The following CHST15 variants were observed in gnomAD, a reference collection of about 807,000 sequenced individuals.
The protein encoded by CHST15 is B cell RAG associated protein (GALNAC4S-6ST).
CHST15 carries 30 observed loss-of-function variants against 53.6 expected under a neutral mutation model. The ratio of observed to expected loss-of-function variants is 0.56; its 90% CI spans 0.42 to 0.76. The LOEUF (loss-of-function observed/expected upper bound fraction) is 0.76, where lower values mean the gene tolerates loss of function less well. Ranked by LOEUF, CHST15 falls within the 30% of genes least tolerant of loss-of-function variation. The pLI is 0.00. For missense variants in CHST15, 627 were observed against 740.5 expected (o/e 0.85, Z 1.78); for synonymous variants, 296 against 289.8 (o/e 1.02, Z -0.22).
intron 1 of CHST15, among the ~76,000 whole-genome samples, chr10:124,086,660 C>CCTCCTCCTCCTCCTG (rs1949437333): frequency 6.7e-6 from 1 of 149,008 alleles, no homozygotes; most frequent in Non-Finnish European, 1.5e-5. Context: ...CTGCCTTCCT[C>CCTCCTCCTCCTCCTG]CTCCTCCTCC....
intron 5 of CHST15, among the ~76,000 whole-genome samples, chr10:124,035,174 ACGGGGACC>A (rs773325403): frequency 3.3e-5 from 4 of 121,822 alleles, no homozygotes; most frequent in Admixed American, 1.6e-4. Flanking sequence ...CCGCCCCCTA[ACGGGGACC>A]CTGGTTCCAC....
intron 6 of CHST15, among the ~76,000 whole-genome samples, chr10:124,015,981 C>T (rs1473707266): frequency 2.0e-5 from 3 of 152,192 alleles, no homozygotes; most frequent in African/African-American, 7.2e-5. Context: ...GCCTGAGAAA[C>T]ACACCATGGC....
At chr10:124,030,852 G>A (rs991372475) in intron 5 of CHST15, among the ~76,000 whole-genome samples, 1 of 152,232 alleles carries the variant, frequency 6.6e-6, no homozygotes, top group Non-Finnish European at 1.5e-5. Context: ...GCTGCGGTTC[G>A]AAGGCATGAA....
intron 1 of CHST15, among the ~76,000 whole-genome samples, chr10:124,086,507 G>C (rs1025140773): frequency 6.6e-6 from 1 of 152,226 alleles, no homozygotes; most frequent in African/African-American, 2.4e-5. Context: ...CGCCCTGCTG[G>C]GAGAGGCTCC....
intron 1 of CHST15, among the ~76,000 whole-genome samples, chr10:124,086,458 C>A (rs1949427744): frequency 1.3e-5 from 2 of 152,216 alleles, no homozygotes; most frequent in African/African-American, 4.8e-5. Context: ...GTGGACATGA[C>A]AGCCCAGCCC....
intron 1 of CHST15, among the ~76,000 whole-genome samples, chr10:124,050,595 GC>G (rs1310989106): frequency 6.6e-6 from 1 of 152,146 alleles, no homozygotes; most frequent in Admixed American, 6.5e-5. Context: ...CATTGTCAGT[GC>G]CCCCTGGGGT....
intron 1 of CHST15, among the ~76,000 whole-genome samples, chr10:124,064,557 T>C (rs6588751): frequency 0.69 from 104,273 of 151,922 alleles, 36,081 homozygotes; most frequent in South Asian, 0.78. Flanking sequence ...ATACCCACTC[T>C]GTGACTTTGG....
chr10:124,062,573 A>T (rs1352400530), intron 1 of CHST15, among the ~76,000 whole-genome samples: 1 of 152,140 alleles, frequency 6.6e-6, no homozygotes, highest in Non-Finnish European at 1.5e-5. Context: ...AAATATGCCC[A>T]TAGTGCCTGC....
Position 124,009,810 on chromosome 10 carries a change from C to T in CHST15, c.*339G>A, listed in dbSNP as rs1179323837. The T allele has an allele frequency of 6.5e-6, 7 of 1,082,644 alleles. No homozygotes were observed. The highest frequency in any genetic ancestry group is 7.9e-6 in the Non-Finnish European group (7 of 889,948). 67.1% of individuals were successfully genotyped at this position (1,082,644 alleles called of 1,614,324 possible). A position where few individuals can be genotyped will look rare whatever the true frequency, so the allele number is the denominator to read the frequency against. ...CCAGAGGCTCTCCAGAAGGCGGAGG[C>T]GGGCAGGGCCAGGCTGCCTTCCCTA... is the stretch of plus-strand genomic sequence containing the variant. On this transcript the variant is annotated 3_prime_UTR_variant, in exon 8 of 8. Transcript: ENST00000435907.
At chr10:124,067,571 G>A (rs1198540755) in intron 1 of CHST15, among the ~76,000 whole-genome samples, 1 of 152,236 alleles carries the variant, frequency 6.6e-6, no homozygotes, top group Non-Finnish European at 1.5e-5. Flanking sequence ...GTGGAAGTCT[G>A]CGCCCTCAAC....
chr10:124,053,616 G>A (rs556933791), intron 1 of CHST15, among the ~76,000 whole-genome samples: 8 of 151,950 alleles, frequency 5.3e-5, no homozygotes, highest in Non-Finnish European at 1.0e-4. Flanking sequence ...CAGCCGATAG[G>A]CCAATGTAAT....
At position 124,044,569 on chromosome 10, in the gene CHST15, C is replaced by A; in HGVS notation, c.886+11G>T. 1 of 1,502,824 alleles carries A rather than the reference C, an allele frequency of 6.7e-7. No homozygotes were observed. The highest frequency in any genetic ancestry group is 8.9e-7 in the Non-Finnish European group (1 of 1,124,618). 93.1% of individuals were successfully genotyped at this position (1,502,824 alleles called of 1,614,324 possible). ...CGAGACCAGACAGGAGCCCTGGGAC[C>A]CAGCACTCACCAAAGCGCTTCCGGG... On this transcript the variant is annotated intron_variant, in intron 3 of 7. Transcript: ENST00000435907.
In CHST15 at chr10:124,042,450, A is replaced by G; in HGVS notation, c.887-3T>C. On this transcript the variant is annotated splice_polypyrimidine_tract_variant and splice_region_variant and intron_variant, in intron 3 of 7. Coordinates refer to ENST00000435907, the MANE Select transcript of CHST15 (RefSeq NM_001270764.2). ...CCCATCTCTTAGGCGGACGATTCCT[A>G]TGAGAACCAAGAAGCAGGAGATACT... 1 of 1,613,768 alleles carries G rather than the reference A, an allele frequency of 6.2e-7. No homozygotes were observed. The highest frequency in any genetic ancestry group is 8.5e-7 in the Non-Finnish European group (1 of 1,179,704).
Position 124,008,728 on chromosome 10 carries a change from T to C in CHST15, c.*1421A>G. On this transcript the variant is annotated 3_prime_UTR_variant, in exon 8 of 8. Coordinates refer to ENST00000435907, the MANE Select transcript of CHST15 (RefSeq NM_001270764.2). ...TAGACGGGTGCTTGCACTTTCTGGC[T>C]TTGGTGGGCGAGACCTTGGCCTGAG... The C allele has an allele frequency of 1.7e-6, 2 of 1,148,414 alleles. No homozygotes were observed. Among genetic ancestry groups the C allele is most frequent in the Non-Finnish European group, 2.2e-6 (2 of 916,058 alleles). The allele number at this position is 1,148,414 out of a possible 1,614,324, so 71.1% of individuals were successfully genotyped here. A position where few individuals can be genotyped will look rare whatever the true frequency, so the allele number is the denominator to read the frequency against.
Position 124,007,936 on chromosome 10 carries a change from A to G in CHST15, c.*2213T>C, listed in dbSNP as rs150485426. ...GAACGGAACCTATTCTGTCAGCAAG[A>G]GCCGGGCCTCGAATGAGAGGAAGCA... On this transcript the variant is annotated 3_prime_UTR_variant, in exon 8 of 8. Coordinates refer to ENST00000435907, the MANE Select transcript of CHST15 (RefSeq NM_001270764.2). 1,112 of 1,232,096 alleles carry G rather than the reference A, an allele frequency of 9.0e-4. 9 individuals carry two copies. In the African/African-American group the frequency reaches 0.016, roughly 18 times the overall value. 76.3% of individuals were successfully genotyped at this position (1,232,096 alleles called of 1,614,324 possible).
At chr10:124,011,072 A>G (rs1260547056) in intron 7 of CHST15, 1 of 982,698 alleles carries the variant, frequency 1.0e-6, no homozygotes, top group African/African-American at 1.8e-5. Flanking sequence ...AAAGGCCGGG[A>G]GGGGCTGTCA....
intron 1 of CHST15, among the ~76,000 whole-genome samples, chr10:124,075,113 T>G (rs1423436735): frequency 6.6e-6 from 1 of 152,274 alleles, no homozygotes; most frequent in African/African-American, 2.4e-5. Flanking sequence ...ATTTTGCTTT[T>G]GAAAGTGAAA....
rs1162759790 is a variant in CHST15 at position 124,046,241 on chromosome 10, T to G, written c.-29A>C. 9 of 1,546,892 alleles carry G rather than the reference T, an allele frequency of 5.8e-6. No homozygotes were observed. The South Asian group carries it at 1.0e-4, about 17-fold the overall frequency. On this transcript the variant is annotated 5_prime_UTR_variant, in exon 2 of 8. The change abolishes the stop of an existing upstream ORF in the 5' untranslated region. Coordinates refer to ENST00000435907, the MANE Select transcript of CHST15 (RefSeq NM_001270764.2). ...AGTGCCAGTGCCCTGGGCTGCTGGC[T>G]TACCGAGCCATGGGTGGGCCCCCCA...
chr10:124,034,741 G>A (rs1171745957), intron 5 of CHST15, among the ~76,000 whole-genome samples: 2 of 140,224 alleles, frequency 1.4e-5, no homozygotes, highest in Admixed American at 7.0e-5. Flanking sequence ...CAGGGACCCC[G>A]GCTCCACCCC....
Sources: allele counts gnomAD v4.1 joint callset (sites outside exome capture counted in the v4.1 genomes callset), GRCh38; gene constraint gnomAD v4.1.1; transcripts MANE v1.5; gene names NCBI Gene and HGNC (gene_info 2026-07-23, HGNC 2026-07-21).